NFYC: variants seen among roughly 807,000 people sequenced by gnomAD.
NFYC encodes the protein CAAT box DNA-binding protein subunit C.
NFYC carries 25 observed loss-of-function variants against 53.1 expected under a neutral mutation model. That is an observed-to-expected ratio of 0.47 (90% CI 0.34 to 0.66). NFYC has a LOEUF of 0.66. Ranked by LOEUF, NFYC falls within the 30% of genes least tolerant of loss-of-function variation. The pLI, the probability that NFYC is intolerant of heterozygous loss-of-function variation, is 0.01. For missense variants in NFYC, 260 were observed against 422.7 expected (o/e 0.62, Z 3.38); for synonymous variants, 145 against 152.6 (o/e 0.95, Z 0.37).
In NFYC at chr1:40,694,308, CTG is replaced by C. The variant is rs1269178908; in HGVS notation, c.-9+2442_-9+2443del. ...TCCTGAACAATGTGTAAAATTAAGA[CTG>C]GATAGGACAAAATATTTGCAGTTCC... On this transcript the variant is annotated intron_variant, in intron 1 of 9. Transcript: ENST00000447388. Among the ~76,000 whole-genome samples, 3 of 152,170 alleles carry C rather than the reference CTG, an allele frequency of 2.0e-5. No individual in the cohort carries two copies. In the East Asian group the frequency reaches 5.8e-4, roughly 29 times the overall value.
chr1:40,735,428 AGAT>A, intron 1 of NFYC: 1 of 184,172 alleles, frequency 5.4e-6, no homozygotes, highest in Non-Finnish European at 1.0e-5. Context: ...TTGACTACAC[AGAT>A]GTTTGCGGGC....
intron 5 of NFYC, among the ~76,000 whole-genome samples, chr1:40,757,659 C>T (rs1010801332): frequency 1.3e-5 from 2 of 152,170 alleles, no homozygotes; most frequent in South Asian, 4.1e-4. Context: ...CTGTTCTGTC[C>T]CCCTTGAAGT....
intron 2 of NFYC, among the ~76,000 whole-genome samples, chr1:40,745,624 C>G (rs1280310993): frequency 6.6e-6 from 1 of 152,140 alleles, no homozygotes; most frequent in Non-Finnish European, 1.5e-5. Context: ...CATTCTCATA[C>G]TTTTTCAACA....
At chr1:40,692,503 C>T (rs900554664) in intron 1 of NFYC, among the ~76,000 whole-genome samples, 1 of 152,076 alleles carries the variant, frequency 6.6e-6, no homozygotes, top group African/African-American at 2.4e-5. Context: ...GGCTGAGAGT[C>T]TTCGAGATCC....
intron 1 of NFYC, among the ~76,000 whole-genome samples, chr1:40,729,042 C>T (rs531710805): frequency 6.6e-6 from 1 of 152,326 alleles, no homozygotes; most frequent in African/African-American, 2.4e-5. Flanking sequence ...CTTAAATAGT[C>T]AACCACGCTG....
chr1:40,704,970 TA>T (rs1185550328), intron 1 of NFYC, among the ~76,000 whole-genome samples: 5 of 152,248 alleles, frequency 3.3e-5, no homozygotes, highest in African/African-American at 1.2e-4. Flanking sequence ...TTCTGAACCT[TA>T]ACCGTCTATA....
At chr1:40,751,869 A>C (rs1298869164) in intron 4 of NFYC, among the ~76,000 whole-genome samples, 5 of 152,196 alleles carry the variant, frequency 3.3e-5, no homozygotes, top group African/African-American at 1.2e-4. Flanking sequence ...GTCATCTTAA[A>C]TGAGTTCTGG....
At chr1:40,708,588 G>A (rs907960894) in intron 1 of NFYC, among the ~76,000 whole-genome samples, 2 of 151,950 alleles carry the variant, frequency 1.3e-5, no homozygotes, top group Admixed American at 6.6e-5. Context: ...TGTCCCTGCC[G>A]CTAACTTCAT....
intron 1 of NFYC, among the ~76,000 whole-genome samples, chr1:40,706,771 A>G (rs1038554852): frequency 6.6e-6 from 1 of 152,196 alleles, no homozygotes; most frequent in Non-Finnish European, 1.5e-5. Context: ...ATCTTTGACT[A>G]CCACTGGTAG....
chr1:40,759,271 A>G (rs376434054), intron 6 of NFYC, among the ~76,000 whole-genome samples: 1 of 150,592 alleles, frequency 6.6e-6, no homozygotes, highest in East Asian at 1.9e-4. Flanking sequence ...GTGGTGGCTC[A>G]TGTCTGTAAT....
chr1:40,717,008 A>T (rs970421977), intron 1 of NFYC, among the ~76,000 whole-genome samples: 1 of 152,174 alleles, frequency 6.6e-6, no homozygotes, highest in Non-Finnish European at 1.5e-5. Flanking sequence ...GTGGAATTTC[A>T]GTTCTGGGTA....
chr1:40,692,871 A>C (rs1225379728), intron 1 of NFYC, among the ~76,000 whole-genome samples: 4 of 152,216 alleles, frequency 2.6e-5, no homozygotes, highest in Non-Finnish European at 4.4e-5. Context: ...GTGTATTAAT[A>C]GAACAGTTAT....
At chr1:40,756,956 A>G (rs1397236331) in intron 5 of NFYC, among the ~76,000 whole-genome samples, 3 of 152,244 alleles carry the variant, frequency 2.0e-5, no homozygotes, top group Non-Finnish European at 2.9e-5. Context: ...CTTTGGAAGC[A>G]CAGTTGAGGG....
intron 2 of NFYC, among the ~76,000 whole-genome samples, chr1:40,744,020 C>A (rs149823725): frequency 3.6e-4 from 55 of 152,284 alleles, no homozygotes; most frequent in African/African-American, 1.3e-3. Flanking sequence ...GGGTCCCCAA[C>A]CCCTGGGCCA....
intron 2 of NFYC, 56 bp downstream of exon 2, chr1:40,739,004 G>A: frequency 7.7e-7 from 1 of 1,296,240 alleles, no homozygotes; most frequent in Non-Finnish European, 1.1e-6. Flanking sequence ...AAAGAGCTCT[G>A]GGAAATTAAC....
rs149250432 is a variant in NFYC, at chr1:40,770,825, C to T, written c.1005C>T (p.Asp335=). The T allele has an allele frequency of 6.8e-6, 11 of 1,607,732 alleles. No individual in the cohort carries two copies. The African/African-American group carries it at 1.2e-4, about 18-fold the overall frequency. The change falls in exon 10 of 10, where the codon GAC becomes GAT. Residue 335 remains aspartate, a synonymous_variant. Transcript: ENST00000447388. This position sits in a 1 kb window ranked among gnomAD's most constrained non-coding sequence, Gnocchi z 5.3. ...SDGQAPQVTG[D] ...GGCAGGCCCCCCAGGTGACCGGCGA[C>T]TGAGGGCCTGAGCTGGCAAGGCCAA...
rs1340849558 is a variant in NFYC, at chr1:40,734,641, G to A, written c.-8-4195G>A. 2.6e-5 allele frequency among the ~76,000 whole-genome samples: 4 copies of A among 152,260 alleles called. No individual in the cohort carries two copies. In the South Asian group the frequency reaches 6.2e-4, roughly 24 times the overall value. On this transcript the variant is annotated intron_variant, in intron 1 of 9. Transcript: ENST00000447388. The stretch of plus-strand genomic sequence containing the variant: ...CTCCCAAAGTGCTGGGATTACAGAC[G>A]TGAACCACCGTGCCCGGCCTGCTTT...
chr1:40,760,077 TCC>T, intron 6 of NFYC, among the ~76,000 whole-genome samples: 2 of 152,308 alleles, frequency 1.3e-5, no homozygotes, highest in South Asian at 4.1e-4. Flanking sequence ...TGCCTCAGCC[TCC>T]CGAGGAGCTG....
At chr1:40,749,749 C>T (rs1161059360) in intron 4 of NFYC, 63 bp downstream of exon 4, 9 of 1,323,296 alleles carry the variant, frequency 6.8e-6, no homozygotes, top group South Asian at 1.2e-5. Flanking sequence ...TGTTTTCCTG[C>T]GTGGTGTTGG....
Sources: gnomAD v4.1 joint callset for allele counts (sites outside exome capture counted in the v4.1 genomes callset) on GRCh38, gnomAD v4.1.1 for gene constraint, Gnocchi (gnomAD v3.1) non-coding constraint, MANE v1.5 for transcripts, NCBI Gene and HGNC (gene_info 2026-07-23, HGNC 2026-07-21) for gene names.